CSMD3: variants seen among roughly 807,000 people sequenced by gnomAD.
The protein encoded by CSMD3 is CUB and sushi domain-containing protein 3.
A neutral mutation model predicts 435.2 loss-of-function variants in CSMD3; 177 were observed. The ratio of observed to expected loss-of-function variants is 0.41; its 90% confidence interval spans 0.36 to 0.46. The LOEUF is 0.46. CSMD3 is among the 20% of genes least tolerant of loss of function. CSMD3 has a pLI of 0.34. For missense variants in CSMD3, 4,265 were observed against 4,504.6 expected (o/e 0.95, Z 1.52); for synonymous variants, 1,656 against 1,520.5 (o/e 1.09, Z -2.07).
intron 5 of CSMD3, among the ~76,000 whole-genome samples, chr8:113,079,388 T>C (rs78264994): frequency 9.7e-4 from 147 of 152,278 alleles, no homozygotes; most frequent in African/African-American, 3.3e-3. Context: ...CTGGCAATAG[T>C]GAGACAATGA....
chr8:112,494,150 TAAG>T (rs1820979655), intron 30 of CSMD3, among the ~76,000 whole-genome samples: 1 of 152,122 alleles, frequency 6.6e-6, no homozygotes, highest in African/African-American at 2.4e-5. Flanking sequence ...ATCTGTGCTT[TAAG>T]AAGAACACTA....
At chr8:112,934,258 T>G (rs2083208453) in intron 9 of CSMD3, among the ~76,000 whole-genome samples, 1 of 152,180 alleles carries the variant, frequency 6.6e-6, no homozygotes, top group Admixed American at 6.6e-5. Flanking sequence ...CAACAAGTCT[T>G]AATAAAATTC....
At chr8:112,583,590 T>C (rs1242011928) in intron 23 of CSMD3, among the ~76,000 whole-genome samples, 2 of 151,920 alleles carry the variant, frequency 1.3e-5, no homozygotes, top group Non-Finnish European at 2.9e-5. Flanking sequence ...AATAAGTAAG[T>C]AGCACACAAG....
At chr8:113,224,138 G>T (rs568253493) in intron 3 of CSMD3, among the ~76,000 whole-genome samples, 3 of 151,246 alleles carry the variant, frequency 2.0e-5, no homozygotes, top group Admixed American at 1.3e-4. Context: ...GGTGCTATTC[G>T]TTTTTGGTTA....
At chr8:112,877,726 A>C (rs1488818925) in intron 10 of CSMD3, among the ~76,000 whole-genome samples, 1 of 152,184 alleles carries the variant, frequency 6.6e-6, no homozygotes, top group African/African-American at 2.4e-5. Flanking sequence ...AGATATATTG[A>C]CCAATGGAAC....
intron 1 of CSMD3, among the ~76,000 whole-genome samples, chr8:113,358,399 C>T (rs2094247771): frequency 6.6e-6 from 1 of 152,116 alleles, no homozygotes; most frequent in South Asian, 2.1e-4. Context: ...GTTGCTCAGG[C>T]TGGAGTGCAG....
intron 1 of CSMD3, among the ~76,000 whole-genome samples, chr8:113,321,128 A>C (rs2093946702): frequency 6.6e-6 from 1 of 152,080 alleles, no homozygotes; most frequent in African/African-American, 2.4e-5. Context: ...GCATTTGCCC[A>C]TCTACTCAGG....
chr8:112,395,952 T>G (rs1830825759), intron 35 of CSMD3, among the ~76,000 whole-genome samples: 1 of 152,218 alleles, frequency 6.6e-6, no homozygotes, highest in African/African-American at 2.4e-5. Flanking sequence ...ACTACAGCTT[T>G]GTACAAGATT....
In CSMD3 at chr8:112,549,559, G is replaced by A. The variant is rs767375028; in HGVS notation, c.4564+1112C>T. 4.4e-4 allele frequency among the ~76,000 whole-genome samples: 67 copies of A among 151,918 alleles called. 1 individual carries two copies. In the Middle Eastern group the frequency reaches 0.017, roughly 39 times the overall value. On this transcript the variant is annotated intron_variant, in intron 27 of 70. Coordinates refer to ENST00000297405, the MANE Select transcript of CSMD3 (RefSeq NM_198123.2). ...AACTGTATAATTGTTTACTTAAAAC[G>A]GTATATTTTGTTGGCACTGATTTCA...
intron 5 of CSMD3, among the ~76,000 whole-genome samples, chr8:113,035,110 GATA>G (rs1430954549): frequency 6.6e-6 from 1 of 151,874 alleles, no homozygotes; most frequent in East Asian, 1.9e-4. Flanking sequence ...GTAAAGGAAT[GATA>G]ATGACAAGAG....
chr8:112,662,677 T>C (rs1007988777), intron 17 of CSMD3, among the ~76,000 whole-genome samples: 2 of 151,906 alleles, frequency 1.3e-5, no homozygotes, highest in African/African-American at 4.8e-5. Flanking sequence ...ACAAATGGGA[T>C]CTAATTAAAC....
intron 3 of CSMD3, among the ~76,000 whole-genome samples, chr8:113,216,112 CAAGA>C (rs1258491910): frequency 2.0e-5 from 3 of 151,518 alleles, no homozygotes; most frequent in African/African-American, 7.3e-5. Flanking sequence ...AGAAAAGCAA[CAAGA>C]ACAAGTTGTT....
intron 3 of CSMD3, among the ~76,000 whole-genome samples, chr8:113,277,832 C>G (rs182640050): frequency 6.6e-6 from 1 of 151,978 alleles, no homozygotes; most frequent in Non-Finnish European, 1.5e-5. Context: ...CTGAAACCTT[C>G]AAGAACAAAT....
intron 11 of CSMD3, among the ~76,000 whole-genome samples, chr8:112,841,832 C>A (rs574588567): frequency 6.6e-6 from 1 of 151,900 alleles, no homozygotes; most frequent in East Asian, 1.9e-4. Flanking sequence ...TCCCTTCAAA[C>A]CTTACCCCTA....
intron 12 of CSMD3, among the ~76,000 whole-genome samples, chr8:112,816,920 A>G (rs1433396478): frequency 6.6e-6 from 1 of 151,958 alleles, no homozygotes; most frequent in African/African-American, 2.4e-5. Context: ...GTTAGCCTAA[A>G]CTAACATATT....
intron 27 of CSMD3, among the ~76,000 whole-genome samples, chr8:112,533,643 G>C (rs558760595): frequency 6.6e-6 from 1 of 151,852 alleles, no homozygotes; most frequent in Non-Finnish European, 1.5e-5. Flanking sequence ...ACAGCTAAAG[G>C]GAGAGAGAAA....
In CSMD3 at chr8:113,343,304, G is replaced by T. The variant is rs189739609; in HGVS notation, c.179-28511C>A. ...CAATAGGAAATGTTGGTACAGAAAT[G>T]GGAACTATAAAAAACTTAAAGCAAA... On this transcript the variant is annotated intron_variant, in intron 1 of 70. Transcript: ENST00000297405. Among the ~76,000 whole-genome samples, 534 of 152,186 alleles carry T rather than the reference G, an allele frequency of 3.5e-3. 8 individuals are homozygous for T. The highest frequency in any genetic ancestry group is 0.012 in the African/African-American group (513 of 41,518).
At chr8:112,368,354 G>A (rs895946774) in intron 38 of CSMD3, among the ~76,000 whole-genome samples, 5 of 152,150 alleles carry the variant, frequency 3.3e-5, no homozygotes, top group Non-Finnish European at 5.9e-5. Flanking sequence ...AAATACTTGA[G>A]TGAATCTCAG....
chr8:112,246,781 C>T (rs1176144778), intron 64 of CSMD3, among the ~76,000 whole-genome samples: 2 of 152,160 alleles, frequency 1.3e-5, no homozygotes, highest in African/African-American at 2.4e-5. Context: ...CAAAACTAAA[C>T]ATAAGGTCTT....
Sources: allele counts gnomAD v4.1 joint callset (sites outside exome capture counted in the v4.1 genomes callset), GRCh38; gene constraint gnomAD v4.1.1; transcripts MANE v1.5; gene names NCBI Gene and HGNC (gene_info 2026-07-23, HGNC 2026-07-21).